OSBPL8: variants seen among roughly 807,000 people sequenced by gnomAD.
OSBPL8 encodes the protein oxysterol-binding protein-related protein 8.
OSBPL8 carries 59 observed loss-of-function variants against 125.5 expected under a neutral mutation model. That is an observed-to-expected ratio of 0.47 (90% CI 0.38 to 0.58). OSBPL8 has a LOEUF of 0.58. Among genes scored for constraint, OSBPL8 ranks in the 20% least tolerant of loss-of-function variants. The pLI is 0.00. For missense variants in OSBPL8, 758 were observed against 1,047.8 expected (o/e 0.72, Z 3.82); for synonymous variants, 330 against 338.9 (o/e 0.97, Z 0.29).
rs142396792 is a variant in OSBPL8, at chr12:76,405,159, G to A, written c.289-2393C>T. ...TCTTAAAGTTAAGATCTATCTTTAT[G>A]AACAAGGAGAAATCTGTGGCCGGGC... On this transcript the variant is annotated intron_variant, in intron 5 of 23. Coordinates refer to ENST00000261183, the MANE Select transcript of OSBPL8 (RefSeq NM_020841.5). Among the ~76,000 whole-genome samples, 7 of 152,122 alleles carry A rather than the reference G, an allele frequency of 4.6e-5. No individual in the cohort carries two copies. In the East Asian group the frequency reaches 1.4e-3, roughly 29 times the overall value.
At chr12:76,437,804 T>C (rs929410082) in intron 4 of OSBPL8, among the ~76,000 whole-genome samples, 1 of 152,206 alleles carries the variant, frequency 6.6e-6, no homozygotes, top group African/African-American at 2.4e-5. Context: ...TTATTTAGAA[T>C]ACATAATCTT....
rs555363414 is a variant in OSBPL8, at chr12:76,466,883, C to T, written c.43-6988G>A. Among the ~76,000 whole-genome samples the T allele has an allele frequency of 2.0e-5, 3 of 151,680 alleles. No individual in the cohort carries two copies. The South Asian group carries it at 6.2e-4, about 32-fold the overall frequency. On this transcript the variant is annotated intron_variant, in intron 2 of 23. Coordinates refer to ENST00000261183, the MANE Select transcript of OSBPL8 (RefSeq NM_020841.5). ...GCTGAGGCAGGAGAATCGCTTGAAC[C>T]CGGGGGCGGGGGCGGAGGCTGCAGT...
chr12:76,370,901 A>G (rs1000080180), intron 19 of OSBPL8, among the ~76,000 whole-genome samples: 1 of 152,196 alleles, frequency 6.6e-6, no homozygotes, highest in African/African-American at 2.4e-5. Flanking sequence ...CAACAATAAA[A>G]TAGGGAATGT....
chr12:76,412,142 G>A (rs934470846), intron 4 of OSBPL8, among the ~76,000 whole-genome samples: 11 of 151,998 alleles, frequency 7.2e-5, no homozygotes, highest in African/African-American at 2.7e-4. Context: ...TAAAATTAAT[G>A]AATTCATTAT....
At chr12:76,383,399 A>G (rs1953146217) in intron 15 of OSBPL8, among the ~76,000 whole-genome samples, 1 of 151,656 alleles carries the variant, frequency 6.6e-6, no homozygotes, top group Non-Finnish European at 1.5e-5. Flanking sequence ...GGTTAAAAAA[A>G]AAAAAACCCA....
chr12:76,427,147 A>G (rs1406103046), intron 4 of OSBPL8, among the ~76,000 whole-genome samples: 2 of 152,148 alleles, frequency 1.3e-5, no homozygotes, highest in Non-Finnish European at 2.9e-5. Flanking sequence ...TAAAGGTTTT[A>G]AAATACTTGG....
intron 4 of OSBPL8, among the ~76,000 whole-genome samples, chr12:76,416,264 C>G (rs1332537114): frequency 6.6e-6 from 1 of 151,868 alleles, no homozygotes; most frequent in Non-Finnish European, 1.5e-5. Context: ...AAAATAAGGT[C>G]AGATAATATG....
intron 4 of OSBPL8, among the ~76,000 whole-genome samples, chr12:76,424,152 C>T (rs1869854477): frequency 6.6e-6 from 1 of 152,116 alleles, no homozygotes; most frequent in Non-Finnish European, 1.5e-5. Flanking sequence ...AGGCACCTGC[C>T]ACCATGCCTG....
At chr12:76,523,407 C>T (rs1950076349) in intron 1 of OSBPL8, among the ~76,000 whole-genome samples, 1 of 152,192 alleles carries the variant, frequency 6.6e-6, no homozygotes, top group South Asian at 2.1e-4. Flanking sequence ...AAATTTAGAG[C>T]ACTTAAACAA....
intron 21 of OSBPL8, among the ~76,000 whole-genome samples, chr12:76,368,358 T>C (rs1952497606): frequency 6.6e-6 from 1 of 152,196 alleles, no homozygotes; most frequent in Non-Finnish European, 1.5e-5. Flanking sequence ...CTTTTGACAG[T>C]TTGTTGTGGT....
intron 1 of OSBPL8, among the ~76,000 whole-genome samples, chr12:76,496,056 T>TG (rs1879231772): frequency 6.6e-6 from 1 of 152,236 alleles, no homozygotes; most frequent in Non-Finnish European, 1.5e-5. Flanking sequence ...TTACCATCTT[T>TG]GGCCCATTTT....
chr12:76,556,368 T>A lies in OSBPL8; in HGVS notation c.-68+3029A>T, dbSNP rs569342117. 2.0e-5 allele frequency among the ~76,000 whole-genome samples: 3 copies of A among 152,298 alleles called. No homozygotes were observed. In the South Asian group the frequency reaches 6.2e-4, roughly 32 times the overall value. On this transcript the variant is annotated intron_variant, in intron 1 of 23. Coordinates refer to ENST00000261183, the MANE Select transcript of OSBPL8 (RefSeq NM_020841.5). The stretch of plus-strand genomic sequence containing the variant: ...ATAGCTCTCTCCCTTGCAAGCTTGA[T>A]AACACTTTTCAGGAAGAAAAATTCC...
At chr12:76,516,084 C>A (rs1375856378) in intron 1 of OSBPL8, among the ~76,000 whole-genome samples, 1 of 152,132 alleles carries the variant, frequency 6.6e-6, no homozygotes, top group Non-Finnish European at 1.5e-5. Flanking sequence ...AACGGCTAAT[C>A]ATCCATTTCA....
rs1035682025 is a variant in OSBPL8 at position 76,353,823 on chromosome 12, T to A, written c.*2066A>T. ...AAGAAATAGTTTTTGACTCTTTGGG[T>A]AAGAACCCATAACATTTGCTCTAAA... On this transcript the variant is annotated 3_prime_UTR_variant, in exon 24 of 24. Coordinates refer to ENST00000261183, the MANE Select transcript of OSBPL8 (RefSeq NM_020841.5). 6.6e-6 allele frequency: 1 copy of A among 152,366 alleles called. No individual in the cohort carries two copies. Among genetic ancestry groups the A allele is most frequent in the African/African-American group, 2.4e-5 (1 of 41,438 alleles). 9.4% of individuals were successfully genotyped at this position (152,366 alleles called of 1,614,324 possible). A position where few individuals can be genotyped will look rare whatever the true frequency, so the allele number is the denominator to read the frequency against.
At chr12:76,526,124 C>A (rs1247752695) in intron 1 of OSBPL8, among the ~76,000 whole-genome samples, 2 of 152,190 alleles carry the variant, frequency 1.3e-5, no homozygotes. Flanking sequence ...TTCTTATACA[C>A]ACTATTTCAA....
At chr12:76,377,188 G>A (rs1952854188) in intron 16 of OSBPL8, among the ~76,000 whole-genome samples, 1 of 152,128 alleles carries the variant, frequency 6.6e-6, no homozygotes, top group African/African-American at 2.4e-5. Context: ...ATGGGCATTT[G>A]GGTTGGTCCC....
intron 4 of OSBPL8, chr12:76,423,043 T>G (rs1869695956): frequency 6.4e-6 from 1 of 157,238 alleles, no homozygotes; most frequent in Admixed American, 6.2e-5. Context: ...ATGCAATCCT[T>G]TTATCATATC....
At chr12:76,489,280 T>C (rs938161935) in intron 1 of OSBPL8, among the ~76,000 whole-genome samples, 10 of 152,234 alleles carry the variant, frequency 6.6e-5, no homozygotes, top group Admixed American at 3.9e-4. Context: ...TTGATGAACA[T>C]GGCTACACTA....
At chr12:76,400,134 T>A (rs986265195) in intron 6 of OSBPL8, among the ~76,000 whole-genome samples, 160 bp from the exon 7 acceptor site, 3 of 152,172 alleles carry the variant, frequency 2.0e-5, no homozygotes, top group African/African-American at 7.2e-5. Context: ...TAGTACCCAT[T>A]AGTTACTTTT....
Sources: gnomAD v4.1 joint callset for allele counts (sites outside exome capture counted in the v4.1 genomes callset) on GRCh38, gnomAD v4.1.1 for gene constraint, MANE v1.5 for transcripts, NCBI Gene and HGNC (gene_info 2026-07-23, HGNC 2026-07-21) for gene names.